Variants in USO1 observed in about 807,000 individuals in gnomAD.
USO1 encodes USO1 vesicle transport factor, also known as general vesicular transport factor p115.
A neutral mutation model predicts 124.5 loss-of-function variants in USO1; 57 were observed. That is an observed-to-expected ratio of 0.46 (90% CI 0.37 to 0.57). The LOEUF is 0.57. Ranked by LOEUF, USO1 falls within the 20% of genes least tolerant of loss-of-function variation. USO1 has a pLI of 0.00. For missense variants in USO1, 900 were observed against 1,040.6 expected (o/e 0.86, Z 1.86); for synonymous variants, 369 against 362.8 (o/e 1.02, Z -0.19).
Position 75,793,860 on chromosome 4 carries a change from C to T in USO1, c.1411C>T (p.Pro471Ser). ...VQLATSIGNPPVSLLQQCTNI... is the reference protein window; with the variant it reads ...VQLATSIGNPSVSLLQQCTNI... ...ACTTGCTACAAGTATTGGCAACCCT[C>T]CAGTTTCTTTACTTCAACAGTGCAC... The change falls in exon 13 of 24, where the codon CCA (proline) becomes TCA (serine). Residue 471 changes from proline (P) to serine (S), a missense_variant. By Grantham distance (74) the Pro-to-Ser change is moderately conservative (BLOSUM62 -1). Around this residue, in one of 2 missense-constraint regions of USO1, gnomAD observed 538 missense variants for 681.6 expected, o/e 0.79. Transcript: ENST00000514213. The T allele has an allele frequency of 6.2e-7, 1 of 1,613,968 alleles. No homozygotes were observed. Among genetic ancestry groups the T allele is most frequent in the Non-Finnish European group, 8.5e-7 (1 of 1,179,876 alleles).
chr4:75,773,098 C>CA lies in USO1; in HGVS notation c.556-1569dup, dbSNP rs911545294. Among the ~76,000 whole-genome samples, 6 of 150,478 alleles carry CA rather than the reference C, an allele frequency of 4.0e-5. No homozygotes were observed. In the South Asian group the frequency reaches 6.3e-4, roughly 16 times the overall value. On this transcript the variant is annotated intron_variant, in intron 7 of 23. Coordinates refer to ENST00000514213, the MANE Select transcript of USO1 (RefSeq NM_003715.4). Reference sequence around the variant, plus strand: ...GGGCAACAAGAAAGTAACTCTGTCTCAAAAAAAAATAATAATAATAACTGC... The same window carrying CA: ...GGGCAACAAGAAAGTAACTCTGTCTCAAAAAAAAAATAATAATAATAACTGC...
At position 75,778,170 on chromosome 4, in the gene USO1, A is replaced by G. The variant is rs184497602; in HGVS notation, c.676+3374A>G. On this transcript the variant is annotated intron_variant, in intron 8 of 23. Coordinates refer to ENST00000514213, the MANE Select transcript of USO1 (RefSeq NM_003715.4). The stretch of plus-strand genomic sequence containing the variant: ...ACACCAATGCCCCAGTTGAAAATCT[A>G]CTTTTTAACTTTTGGCTCCCCCAAA... Among the ~76,000 whole-genome samples the G allele has an allele frequency of 2.6e-5, 4 of 152,302 alleles. No homozygotes were observed. In the East Asian group the frequency reaches 7.7e-4, roughly 29 times the overall value.
chr4:75,809,139 A>T (rs982714401), intron 21 of USO1, 88 bp downstream of exon 21: 14 of 1,447,588 alleles, frequency 9.7e-6, no homozygotes, highest in African/African-American at 1.4e-5. Flanking sequence ...AAACAAATTC[A>T]TCAGATAGCA....
rs138885118 is a variant in USO1, at chr4:75,796,752, A to G, written c.1452+2851A>G. ...TTTTAGCCTCCATTTGTTTTCTCAA[A>G]TCTCCTCAATGGTTCACACACTCTA... On this transcript the variant is annotated intron_variant, in intron 13 of 23. Coordinates refer to ENST00000514213, the MANE Select transcript of USO1 (RefSeq NM_003715.4). 2.4e-3 allele frequency among the ~76,000 whole-genome samples: 360 copies of G among 151,408 alleles called. 7 individuals are homozygous for G. Among genetic ancestry groups the G allele is most frequent in the East Asian group, 3.9e-3 (20 of 5,120 alleles).
chr4:75,799,742 A>ATG lies in USO1; in HGVS notation c.1563+12_1563+13dup. ...AGCCAATGTTCCATTTGTATCCTTT[A>ATG]TGTTTTAGTAACGTACATGTAAGTA... On this transcript the variant is annotated intron_variant, in intron 14 of 23. Transcript: ENST00000514213. 1 of 1,612,892 alleles carries ATG rather than the reference A, an allele frequency of 6.2e-7. No individual in the cohort carries two copies. The highest frequency in any genetic ancestry group is 1.1e-5 in the South Asian group (1 of 90,902).
chr4:75,736,404 G>A (rs908629249), intron 1 of USO1, among the ~76,000 whole-genome samples: 5 of 127,996 alleles, frequency 3.9e-5, no homozygotes, highest in African/African-American at 6.0e-5. Context: ...GCTCACCTCC[G>A]CCTCCTGGGT....
At chr4:75,740,350 C>T (rs1393237372) in intron 1 of USO1, among the ~76,000 whole-genome samples, 1 of 152,130 alleles carries the variant, frequency 6.6e-6, no homozygotes, top group East Asian at 1.9e-4. Context: ...TTCAGTGGCA[C>T]GACTGTGGCT....
chr4:75,800,678 A>G lies in USO1; in HGVS notation c.1743A>G (p.Leu581=), dbSNP rs1228237609. 1 of 1,597,968 alleles carries G rather than the reference A, an allele frequency of 6.3e-7. No homozygotes were observed. The highest frequency in any genetic ancestry group is 1.4e-5 in the African/African-American group (1 of 73,722). The change falls in exon 16 of 24, where the codon CTA becomes CTG. Residue 581 remains leucine (L), a synonymous_variant. Coordinates refer to ENST00000514213, the MANE Select transcript of USO1 (RefSeq NM_003715.4). The stretch of plus-strand genomic sequence containing the variant: ...GCAAAGAGAATTTCATAGAGAAACT[A>G]GGATTTATTAGCAAACATGAGTTGT... ...RIGKENFIEK[L]GFISKHELYS...
chr4:75,809,020 A>G lies in USO1; in HGVS notation c.2444A>G (p.Lys815Arg), dbSNP rs1037439548. 6.2e-7 allele frequency: 1 copy of G among 1,603,504 alleles called. No individual in the cohort carries two copies. Among genetic ancestry groups the G allele is most frequent in the African/African-American group, 1.3e-5 (1 of 74,810 alleles). Residue 815 changes from lysine to arginine, a missense_variant, in exon 21 of 24, where the codon AAG becomes AGG. Transcript: ENST00000514213. Reference sequence around the variant, plus strand: ...GAGATCACCAAACTACAGACAGAAAAGCAGGAACTGTTACAGAAAACAGAA... The same window carrying G: ...GAGATCACCAAACTACAGACAGAAAGGCAGGAACTGTTACAGAAAACAGAA... ...SVEITKLQTE[K>R]QELLQKTEAF...
At chr4:75,738,069 G>GCAAC (rs1720846967) in intron 1 of USO1, among the ~76,000 whole-genome samples, 1 of 151,702 alleles carries the variant, frequency 6.6e-6, no homozygotes, top group African/African-American at 2.4e-5. Flanking sequence ...TCCTGACCTT[G>GCAAC]TGATCTGCCT....
intron 4 of USO1, 133 bp from the exon 5 acceptor site, chr4:75,770,306 T>A (rs894747394): frequency 2.9e-6 from 2 of 695,436 alleles, no homozygotes; most frequent in Non-Finnish European, 4.3e-6. Context: ...ATTGTGATAT[T>A]GCTACCAGCC....
intron 1 of USO1, 53 bp downstream of exon 1, chr4:75,724,938 G>A (rs753424182): frequency 2.5e-6 from 4 of 1,599,296 alleles, no homozygotes; most frequent in Non-Finnish European, 3.4e-6. Flanking sequence ...CAGGGACGGG[G>A]ACGGAGCACT....
chr4:75,803,832 A>G (rs750740425), intron 17 of USO1, among the ~76,000 whole-genome samples: 1 of 152,070 alleles, frequency 6.6e-6, no homozygotes, highest in Non-Finnish European at 1.5e-5. Context: ...TTTGATGTAA[A>G]TTTTTAAATG....
At chr4:75,785,102 A>G (rs932771335) in intron 9 of USO1, among the ~76,000 whole-genome samples, 18 of 152,190 alleles carry the variant, frequency 1.2e-4, no homozygotes, top group African/African-American at 4.3e-4. Context: ...CTGTTGGAAT[A>G]CTTTATGTAT....
chr4:75,727,843 G>A (rs959059980), intron 1 of USO1, among the ~76,000 whole-genome samples: 6 of 151,820 alleles, frequency 4.0e-5, no homozygotes, highest in South Asian at 2.1e-4. Flanking sequence ...CATCATCAGC[G>A]CCTCCCCTAA....
chr4:75,805,125 A>T lies in USO1; in HGVS notation c.2126-15A>T. 6.5e-7 allele frequency: 1 copy of T among 1,548,170 alleles called. No individual in the cohort carries two copies. The highest frequency in any genetic ancestry group is 8.7e-7 in the Non-Finnish European group (1 of 1,151,346). ...GTTTCCCGTTGGCTTTTAAAATGTT[A>T]TGTCTGTCTAACAGGAAAAGACAAT... On this transcript the variant is annotated splice_polypyrimidine_tract_variant and intron_variant, in intron 18 of 23. Transcript: ENST00000514213.
rs1006716963 is a variant in USO1 at position 75,813,996 on chromosome 4, A to C, written c.*701A>C. On this transcript the variant is annotated 3_prime_UTR_variant, in exon 24 of 24. Coordinates refer to ENST00000514213, the MANE Select transcript of USO1 (RefSeq NM_003715.4). ...TGTTTTAAGCTAAACATCTAAAACA[A>C]ATTTCAAGTTAACAGTTCATACAAC... 3 of 152,242 alleles carry C rather than the reference A, an allele frequency of 2.0e-5. No homozygotes were observed. Among genetic ancestry groups the C allele is most frequent in the African/African-American group, 7.2e-5 (3 of 41,468 alleles). The allele number at this position is 152,242 out of a possible 1,614,324, so 9.4% of individuals were successfully genotyped here. A position where few individuals can be genotyped will look rare whatever the true frequency, so the allele number is the denominator to read the frequency against.
Position 75,813,952 on chromosome 4 carries a change from A to T in USO1, c.*657A>T, listed in dbSNP as rs933872513. ...GAGAAACTTTTGCAACAGTGTATTAATGTGATTGGTTTTCTTTTTGTTTTA... is the reference window on the plus strand; with the variant it reads ...GAGAAACTTTTGCAACAGTGTATTATTGTGATTGGTTTTCTTTTTGTTTTA... On this transcript the variant is annotated 3_prime_UTR_variant, in exon 24 of 24. Coordinates refer to ENST00000514213, the MANE Select transcript of USO1 (RefSeq NM_003715.4). The T allele has an allele frequency of 6.6e-6, 1 of 152,242 alleles. No homozygotes were observed. 9.4% of individuals were successfully genotyped at this position (152,242 alleles called of 1,614,324 possible).
intron 1 of USO1, among the ~76,000 whole-genome samples, chr4:75,730,436 A>G (rs1163379197): frequency 6.6e-6 from 1 of 152,170 alleles, no homozygotes; most frequent in Non-Finnish European, 1.5e-5. Flanking sequence ...CTGTTTGCCA[A>G]ATTTATCTGA....
Sources: allele counts gnomAD v4.1 joint callset (sites outside exome capture counted in the v4.1 genomes callset), GRCh38; gene constraint gnomAD v4.1.1; regional missense constraint gnomAD v4.1.1; transcripts MANE v1.5; gene names NCBI Gene and HGNC (gene_info 2026-07-23, HGNC 2026-07-21).